Variants in RAPH1 observed in about 807,000 individuals in gnomAD.
RAPH1 encodes Ras association (RalGDS/AF-6) and pleckstrin homology domains 1.
Under a neutral mutation model 88.1 loss-of-function variants are expected in RAPH1, and 18 were observed. That is an observed-to-expected ratio of 0.20 (90% CI 0.14 to 0.30). The LOEUF (loss-of-function observed/expected upper bound fraction) is 0.30, where lower values mean the gene tolerates loss of function less well. RAPH1 is among the 10% of genes least tolerant of loss of function. The probability of loss-of-function intolerance (pLI) is 1.00; values close to 1 mark genes in which losing one functional copy is unlikely to be tolerated. For synonymous variants in RAPH1, 587 were observed against 559.0 expected, an observed-to-expected ratio of 1.05 and a Z score of -0.71; for missense variants, 1,448 against 1,543.2, an observed-to-expected ratio of 0.94 and a Z score of 1.03.
intron 4 of RAPH1, among the ~76,000 whole-genome samples, chr2:203,466,841 TTAAATGAAAGC>T (rs1165193878): frequency 2.2e-4 from 34 of 152,184 alleles, no homozygotes; most frequent in Admixed American, 2.0e-3. Flanking sequence ...GATCCTATGA[TTAAATGAAAGC>T]CAACACTGTG....
chr2:203,479,745 A>C (rs576045049), intron 4 of RAPH1, among the ~76,000 whole-genome samples: 1 of 152,344 alleles, frequency 6.6e-6, no homozygotes, highest in African/African-American at 2.4e-5. Flanking sequence ...AAGTGACAAA[A>C]ACAATACAAA....
In RAPH1 at chr2:203,441,293, GT is replaced by G; in HGVS notation, c.1896del (p.Pro634HisfsTer37). ...GGGGGTGGTGGAGGAGGAGGTGGGGGTGGCGGAGGAGGTAGAGGTGGTGAAG... is the reference window on the plus strand; with the variant it reads ...GGGGGTGGTGGAGGAGGAGGTGGGGGGGCGGAGGAGGTAGAGGTGGTGAAG... ...SQPSPPLPPPPPPPPPPPPPP... is the reference protein window; with the variant it reads ...SQPSPPLPPPXPPPPPPPPPP... On this transcript the variant is annotated frameshift_variant, in exon 14 of 14. Coordinates refer to ENST00000319170, the MANE Select transcript of RAPH1 (RefSeq NM_213589.3). LOFTEE classifies it low-confidence loss of function (END_TRUNC). The G allele has an allele frequency of 6.6e-7, 1 of 1,522,164 alleles. No individual in the cohort carries two copies. Among genetic ancestry groups the G allele is most frequent in the Non-Finnish European group, 8.8e-7 (1 of 1,132,796 alleles). The allele number at this position is 1,522,164 out of a possible 1,614,324, so 94.3% of individuals were successfully genotyped here.
chr2:203,464,187 A>G (rs1402729086), intron 4 of RAPH1, among the ~76,000 whole-genome samples: 1 of 152,254 alleles, frequency 6.6e-6, no homozygotes, highest in Admixed American at 6.5e-5. Flanking sequence ...GTTTCACTTC[A>G]TATTCCTGAA....
At chr2:203,506,844 ATCTATCTATATC>A (rs1559494752) in intron 1 of RAPH1, among the ~76,000 whole-genome samples, 31 of 19,522 alleles carry the variant, frequency 1.6e-3, no homozygotes, top group African/African-American at 2.5e-3. Flanking sequence ...ATATCTATAT[ATCTATCTATATC>A]TATATATATA....
chr2:203,492,147 T>A (rs1306078628), intron 2 of RAPH1, among the ~76,000 whole-genome samples: 1 of 150,026 alleles, frequency 6.7e-6, no homozygotes, highest in Non-Finnish European at 1.5e-5. Flanking sequence ...GGCAGGAGAA[T>A]CGCTTAAGCC....
At chr2:203,506,882 A>C (rs1221523663) in intron 1 of RAPH1, among the ~76,000 whole-genome samples, 20 of 76,512 alleles carry the variant, frequency 2.6e-4, no homozygotes, top group African/African-American at 7.4e-4. Context: ...ATATATATAG[A>C]TATATATATA....
intron 1 of RAPH1, among the ~76,000 whole-genome samples, chr2:203,516,895 G>GTGGT (rs1581399146): frequency 1.3e-5 from 2 of 152,046 alleles, no homozygotes; most frequent in East Asian, 3.9e-4. Flanking sequence ...TTAGCTGGGC[G>GTGGT]TGGTGGTGGG....
At chr2:203,534,491 G>C in intron 1 of RAPH1, among the ~76,000 whole-genome samples, 2 of 86,072 alleles carry the variant, frequency 2.3e-5, no homozygotes, top group Non-Finnish European at 4.6e-5. Flanking sequence ...CTATCACACT[G>C]CCCCCTCCCT....
chr2:203,445,144 C>A, intron 12 of RAPH1, 134 bp from the exon 13 acceptor site: 3 of 640,374 alleles, frequency 4.7e-6, no homozygotes, highest in South Asian at 3.4e-5. Flanking sequence ...TTACTCATTT[C>A]ATCATAAACA....
Position 203,495,214 on chromosome 2 carries a change from G to A in RAPH1, c.120+20C>T. On this transcript the variant is annotated intron_variant, in intron 2 of 13. Transcript: ENST00000319170. ...AATGGTGACTTCAAATCCTCAACCA[G>A]TTTTTCAAGCACTACTCACCTGAGT... The A allele has an allele frequency of 1.9e-6, 3 of 1,613,360 alleles. No homozygotes were observed. The highest frequency in any genetic ancestry group is 2.5e-6 in the Non-Finnish European group (3 of 1,179,788).
At chr2:203,459,533 C>T (rs2098522672) in intron 7 of RAPH1, among the ~76,000 whole-genome samples, 1 of 152,168 alleles carries the variant, frequency 6.6e-6, no homozygotes, top group Non-Finnish European at 1.5e-5. Context: ...GGATAAATGG[C>T]TGGAGTAGAG....
In RAPH1 at chr2:203,441,270, G is replaced by GGGTGGTGGAGGA; in HGVS notation, c.1908_1919dup (p.Pro645_Pro648dup). On this transcript the variant is annotated inframe_insertion, in exon 14 of 14. Transcript: ENST00000319170. ...GTGGGGGAGGAGGGGGTGGTGGAGG[G>GGGTGGTGGAGGA]GGTGGTGGAGGAGGAGGTGGGGGTG... 7.4e-7 allele frequency: 1 copy of GGGTGGTGGAGGA among 1,348,366 alleles called. No individual in the cohort carries two copies. Among genetic ancestry groups the GGGTGGTGGAGGA allele is most frequent in the South Asian group, 1.4e-5 (1 of 70,550 alleles). 83.5% of individuals were successfully genotyped at this position (1,348,366 alleles called of 1,614,324 possible).
intron 1 of RAPH1, among the ~76,000 whole-genome samples, chr2:203,504,938 C>A (rs981212723): frequency 1.4e-4 from 22 of 152,194 alleles, no homozygotes; most frequent in African/African-American, 5.1e-4. Flanking sequence ...CAGTTCCCAA[C>A]AAGTTCCTCA....
At chr2:203,524,211 C>T (rs545112117) in intron 1 of RAPH1, among the ~76,000 whole-genome samples, 2 of 151,892 alleles carry the variant, frequency 1.3e-5, no homozygotes, top group East Asian at 3.8e-4. Flanking sequence ...TAATAATCAG[C>T]GAAAGGTGAA....
chr2:203,523,605 T>C (rs149338709), intron 1 of RAPH1, among the ~76,000 whole-genome samples: 1 of 152,078 alleles, frequency 6.6e-6, no homozygotes, highest in Non-Finnish European at 1.5e-5. Flanking sequence ...TGAACTTTGG[T>C]GTAGGCAAAA....
chr2:203,449,341 A>G (rs2098512762), intron 10 of RAPH1, among the ~76,000 whole-genome samples: 1 of 152,206 alleles, frequency 6.6e-6, no homozygotes, highest in African/African-American at 2.4e-5. Context: ...ACAAGAATCT[A>G]CAGTCACACC....
chr2:203,498,287 G>A (rs1309772525), intron 1 of RAPH1, among the ~76,000 whole-genome samples: 1 of 152,070 alleles, frequency 6.6e-6, no homozygotes, highest in Non-Finnish European at 1.5e-5. Flanking sequence ...CAAGGCACTG[G>A]GTTTATGGTG....
At chr2:203,512,794 TTTG>T (rs1257485568) in intron 1 of RAPH1, among the ~76,000 whole-genome samples, 1 of 151,972 alleles carries the variant, frequency 6.6e-6, no homozygotes, top group African/African-American at 2.4e-5. Context: ...TGGCTAATTT[TTTG>T]TTATTTTTTA....
chr2:203,500,159 A>G (rs1052703247), intron 1 of RAPH1, among the ~76,000 whole-genome samples: 2 of 152,214 alleles, frequency 1.3e-5, no homozygotes, highest in African/African-American at 4.8e-5. Flanking sequence ...CAGAAAAGGA[A>G]ACCAACAATG....
Sources: gnomAD v4.1 joint callset for allele counts (sites outside exome capture counted in the v4.1 genomes callset) on GRCh38, gnomAD v4.1.1 for gene constraint, MANE v1.5 for transcripts, NCBI Gene and HGNC (gene_info 2026-07-23, HGNC 2026-07-21) for gene names.